SFXN2: variants seen among roughly 807,000 people sequenced by gnomAD.
SFXN2 encodes the protein sideroflexin-2.
A neutral mutation model predicts 41.9 loss-of-function variants in SFXN2; 37 were observed. The ratio of observed to expected loss-of-function variants is 0.88; its 90% CI spans 0.68 to 1.16. The LOEUF (loss-of-function observed/expected upper bound fraction) is 1.16. Among genes scored for constraint, SFXN2 ranks in the 50% most tolerant of loss-of-function variants. The pLI is 0.00. For missense variants in SFXN2, 386 were observed against 425.2 expected, an observed-to-expected ratio of 0.91 and a Z score of 0.81; for synonymous variants, 150 against 156.7, an observed-to-expected ratio of 0.96 and a Z score of 0.32.
chr10:102,725,797 C>CTGGGAGGTAATAGT (rs1470870913), intron 1 of SFXN2, among the ~76,000 whole-genome samples: 6 of 151,894 alleles, frequency 4.0e-5, no homozygotes, highest in Non-Finnish European at 5.9e-5. Flanking sequence ...GGAGGCTGAC[C>CTGGGAGGTAATAGT]TGGGAGGTAA....
rs2136060638 is a variant in SFXN2, at chr10:102,734,796, T to C, written c.822-1066T>C. On this transcript the variant is annotated intron_variant, in intron 10 of 11. Coordinates refer to ENST00000369893, the MANE Select transcript of SFXN2 (RefSeq NM_178858.6). This position sits in a 1 kb window ranked among gnomAD's most constrained non-coding sequence, Gnocchi z 4.1. ...TAAAACTGGGATACCAACCCAGGTC[T>C]GTCAGAGTCCCGCGTCCTGTAAGAC... is the stretch of plus-strand genomic sequence containing the variant. Among the ~76,000 whole-genome samples the C allele has an allele frequency of 6.6e-6, 1 of 152,294 alleles. No individual in the cohort carries two copies. Among genetic ancestry groups the C allele is most frequent in the Non-Finnish European group, 1.5e-5 (1 of 68,016 alleles).
At chr10:102,717,863 ACAGTCTGT>A in intron 1 of SFXN2, 1 of 913,034 alleles carries the variant, frequency 1.1e-6, no homozygotes, top group Non-Finnish European at 1.3e-6. Flanking sequence ...TGTGAGCCTT[ACAGTCTGT>A]CAGGGGAGGC....
rs765643062 is a variant in SFXN2 at position 102,737,907 on chromosome 10, C to T, written c.*145C>T. 1 of 569,276 alleles carries T rather than the reference C, an allele frequency of 1.8e-6. No individual in the cohort carries two copies. Among genetic ancestry groups the T allele is most frequent in the Non-Finnish European group, 3.2e-6 (1 of 316,972 alleles). The allele number at this position is 569,276 out of a possible 1,614,324, so 35.3% of individuals were successfully genotyped here. A position where few individuals can be genotyped will look rare whatever the true frequency, so the allele number is the denominator to read the frequency against. On this transcript the variant is annotated 3_prime_UTR_variant, in exon 12 of 12. Transcript: ENST00000369893. ...GGGGTGGGACAATGAATGCCTCATACTTACACCCTGGTACTGGTTGATTGG... is the reference window on the plus strand; with the variant it reads ...GGGGTGGGACAATGAATGCCTCATATTTACACCCTGGTACTGGTTGATTGG...
At chr10:102,731,258 T>C (rs1001497426) in intron 6 of SFXN2, among the ~76,000 whole-genome samples, 16 of 135,898 alleles carry the variant, frequency 1.2e-4, no homozygotes, top group Non-Finnish European at 2.0e-4. Context: ...CAGAGTGCGA[T>C]TGTCTCAAAA....
chr10:102,726,885 AG>A (rs1280231955), intron 2 of SFXN2, 88 bp downstream of exon 2: 1 of 1,586,906 alleles, frequency 6.3e-7, no homozygotes, highest in Non-Finnish European at 8.6e-7. Context: ...GTGAAGGAAT[AG>A]GCAGAAATCT....
Position 102,729,223 on chromosome 10 carries a change from G to T in SFXN2, c.432-96G>T, listed in dbSNP as rs374890534. Reference sequence around the variant, plus strand: ...GGGACAGATCCTGTGCGGTTTTCACGCACGAAGCCTCGCCAGCCGACTTTC... The same window carrying T: ...GGGACAGATCCTGTGCGGTTTTCACTCACGAAGCCTCGCCAGCCGACTTTC... On this transcript the variant is annotated intron_variant, in intron 4 of 11. Transcript: ENST00000369893. 9.2e-5 allele frequency: 107 copies of T among 1,163,720 alleles called. 1 individual carries two copies. The African/African-American group carries it at 1.2e-3, about 13-fold the overall frequency. The allele number at this position is 1,163,720 out of a possible 1,614,324, so 72.1% of individuals were successfully genotyped here. A position where few individuals can be genotyped will look rare whatever the true frequency, so the allele number is the denominator to read the frequency against.
chr10:102,731,602 A>T, intron 6 of SFXN2, 121 bp from the exon 7 acceptor site: 1 of 742,184 alleles, frequency 1.3e-6, no homozygotes, highest in Non-Finnish European at 2.4e-6. Flanking sequence ...TCAAAGGCCC[A>T]GGCTACAGGA....
chr10:102,732,810 G>A (rs2064722583), intron 8 of SFXN2, 49 bp from the exon 9 acceptor site: 2 of 1,604,626 alleles, frequency 1.2e-6, no homozygotes. Flanking sequence ...AAGGAGTCCT[G>A]GGGAGAGCCT....
At chr10:102,715,240 GTTGCCCAGGCTGGGC>G (rs753350286) in intron 1 of SFXN2, 56 of 153,186 alleles carry the variant, frequency 3.7e-4, no homozygotes, top group Non-Finnish European at 7.4e-4. Flanking sequence ...GTTTCGCCAT[GTTGCCCAGGCTGGGC>G]TCGAACTCCT....
At chr10:102,721,929 C>T (rs926791776) in intron 1 of SFXN2, among the ~76,000 whole-genome samples, 5 of 152,116 alleles carry the variant, frequency 3.3e-5, no homozygotes, top group African/African-American at 7.2e-5. Flanking sequence ...CTTAACATTC[C>T]GCTTCTTTGA....
At chr10:102,717,682 G>C (rs1253853805) in intron 1 of SFXN2, 1 of 845,986 alleles carries the variant, frequency 1.2e-6, no homozygotes, top group Non-Finnish European at 1.4e-6. Flanking sequence ...AAGAAAGCGT[G>C]CTCTTAATTC....
chr10:102,726,390 T>C (rs781217041), intron 1 of SFXN2: 1 of 531,758 alleles, frequency 1.9e-6, no homozygotes, highest in Non-Finnish European at 3.4e-6. Context: ...TCCCTCCTGC[T>C]GTATGGTCAA....
At chr10:102,733,528 T>G (rs772063927) in intron 9 of SFXN2, 26 bp from the exon 10 acceptor site, 7 of 1,600,832 alleles carry the variant, frequency 4.4e-6, no homozygotes, top group Middle Eastern at 1.7e-4. Flanking sequence ...ACCATGTGGA[T>G]CTGTCTTTTA....
At chr10:102,723,452 G>A (rs2489739) in intron 1 of SFXN2, among the ~76,000 whole-genome samples, 151,862 of 152,098 alleles carry the variant, frequency 1, 75,813 homozygotes, top group South Asian at 1. Flanking sequence ...GGGTTTCACC[G>A]TCTTGGTCAG....
intron 1 of SFXN2, chr10:102,725,126 AG>A (rs1446211241): frequency 2.6e-5 from 4 of 152,144 alleles, no homozygotes; most frequent in Non-Finnish European, 4.4e-5. Context: ...CTTCTTAAAT[AG>A]GGCCTAAGAC....
rs1414915906 is a variant in SFXN2 at position 102,727,090 on chromosome 10, A to C, written c.265A>C (p.Ile89Leu). Reference protein sequence around the residue: ...HPDTGEKMNVIGRMSFQLPGG... With the variant: ...HPDTGEKMNVLGRMSFQLPGG... ...CGACACTGGGGAGAAGATGAATGTC[A>C]TCGGGCGCATGTCTTTCCAGCTTCC... The change falls in exon 3 of 12, where the codon ATC becomes CTC. Residue 89 changes from isoleucine to leucine, a missense_variant. Coordinates refer to ENST00000369893, the MANE Select transcript of SFXN2 (RefSeq NM_178858.6). 1.1e-5 allele frequency: 18 copies of C among 1,610,580 alleles called. No individual in the cohort carries two copies. In the South Asian group the frequency reaches 1.6e-4, roughly 15 times the overall value.
At chr10:102,728,306 TA>T in intron 3 of SFXN2, 124 bp from the exon 4 acceptor site, 1 of 754,178 alleles carries the variant, frequency 1.3e-6, no homozygotes, top group Non-Finnish European at 2.3e-6. Context: ...CTCAAAAAAA[TA>T]AAAATAAAAA....
At chr10:102,729,448 A>G (rs916084228) in intron 5 of SFXN2, 54 bp downstream of exon 5, 4 of 1,590,390 alleles carry the variant, frequency 2.5e-6, no homozygotes, top group Non-Finnish European at 3.4e-6. Flanking sequence ...GCAGAGTCCT[A>G]GGGAAAACGT....
chr10:102,717,756 A>C, intron 1 of SFXN2: 1 of 985,460 alleles, frequency 1.0e-6, no homozygotes, highest in Non-Finnish European at 1.2e-6. Context: ...CAAGAGACCC[A>C]AGAAGAAGTT....
Sources: allele counts gnomAD v4.1 joint callset (sites outside exome capture counted in the v4.1 genomes callset), GRCh38; gene constraint gnomAD v4.1.1; non-coding constraint Gnocchi (gnomAD v3.1); transcripts MANE v1.5; gene names NCBI Gene and HGNC (gene_info 2026-07-23, HGNC 2026-07-21).